Variants in KCNT1 observed in about 807,000 individuals in gnomAD.
KCNT1 encodes the protein potassium channel subfamily T member 1.
Under a neutral mutation model 147.8 loss-of-function variants are expected in KCNT1, and 78 were observed. That is an observed-to-expected ratio of 0.53 (90% confidence interval 0.44 to 0.64). The LOEUF (loss-of-function observed/expected upper bound fraction) is 0.64, where lower values mean the gene tolerates loss of function less well. KCNT1 is among the 30% of genes least tolerant of loss of function. The probability of loss-of-function intolerance (pLI) is 0.00; values close to 1 mark genes in which losing one functional copy is unlikely to be tolerated. For synonymous variants in KCNT1, 867 were observed against 748.8 expected, an observed-to-expected ratio of 1.16 and a Z score of -2.58; for missense variants, 1,419 against 1,750.3, an observed-to-expected ratio of 0.81 and a Z score of 3.38.
chr9:135,784,239 C>T lies in KCNT1; in HGVS notation c.2943+114C>T, dbSNP rs1169275019. The T allele has an allele frequency of 5.8e-6, 5 of 861,054 alleles. No individual in the cohort carries two copies. In the Admixed American group the frequency reaches 9.6e-5, roughly 17 times the overall value. 53.3% of individuals were successfully genotyped at this position (861,054 alleles called of 1,614,324 possible). ...GATAGGACTCCCTCTGAATGACCTTCCCTGGATTCCAAGGAGACCTCTGGG... is the reference window on the plus strand; with the variant it reads ...GATAGGACTCCCTCTGAATGACCTTTCCTGGATTCCAAGGAGACCTCTGGG... On this transcript the variant is annotated intron_variant, in intron 25 of 30. Transcript: ENST00000371757.
chr9:135,770,076 G>T, intron 16 of KCNT1, 21 bp downstream of exon 16: 1 of 1,538,136 alleles, frequency 6.5e-7, no homozygotes, highest in South Asian at 1.2e-5. Flanking sequence ...CGTGCCCCGG[G>T]GGACCGACCT....
At chr9:135,791,750 G>A (rs776503344) in intron 29 of KCNT1, 47 bp from the exon 30 acceptor site, 1 of 1,537,700 alleles carries the variant, frequency 6.5e-7, no homozygotes. Context: ...AGAGCTGGGA[G>A]GGGCAGGGCT....
At chr9:135,743,505 CAA>C (rs1830663895) in intron 2 of KCNT1, among the ~76,000 whole-genome samples, 1 of 152,144 alleles carries the variant, frequency 6.6e-6, no homozygotes, top group African/African-American at 2.4e-5. Flanking sequence ...ATTATTATCC[CAA>C]AAGAGTCCTG....
Position 135,768,622 on chromosome 9 carries a change from G to T in KCNT1, c.1350G>T (p.Gly450=). The T allele has an allele frequency of 6.4e-7, 1 of 1,550,478 alleles. No individual in the cohort carries two copies. The highest frequency in any genetic ancestry group is 8.7e-7 in the Non-Finnish European group (1 of 1,146,818). ...TGGTGCATTGCAGGATGGACAATGG[G>T]GAGGCCTGCTTCATCCTCAGCAGCA... is the stretch of plus-strand genomic sequence containing the variant. The part of the protein sequence containing the change: ...QDLMRAKMDN[G]EACFILSSRN... The change falls in exon 14 of 31, where the codon GGG becomes GGT. Residue 450 remains glycine, a synonymous_variant. Coordinates refer to ENST00000371757, the MANE Select transcript of KCNT1 (RefSeq NM_020822.3).
chr9:135,736,130 T>C (rs1018931825), intron 2 of KCNT1, among the ~76,000 whole-genome samples: 6 of 152,134 alleles, frequency 3.9e-5, no homozygotes, highest in African/African-American at 1.4e-4. Context: ...AGGACCCTGG[T>C]GAGGACAGGC....
Position 135,765,204 on chromosome 9 carries a change from C to G in KCNT1, c.1200+9C>G. 1 of 1,606,600 alleles carries G rather than the reference C, an allele frequency of 6.2e-7. No individual in the cohort carries two copies. On this transcript the variant is annotated intron_variant, in intron 12 of 30. Transcript: ENST00000371757. ...CCCACCCCCGGCTCCAGGTGAGGCC[C>G]CTTACCGTGGCCCAGCAGACGACTC... is the stretch of plus-strand genomic sequence containing the variant.
chr9:135,758,010 G>A (rs994495103), intron 9 of KCNT1, among the ~76,000 whole-genome samples: 4 of 152,378 alleles, frequency 2.6e-5, no homozygotes, highest in East Asian at 1.9e-4. Flanking sequence ...ATGGGGACCC[G>A]TCCTGAGAGA....
chr9:135,740,680 G>A (rs1032311536), intron 2 of KCNT1, among the ~76,000 whole-genome samples: 2 of 152,258 alleles, frequency 1.3e-5, no homozygotes, highest in African/African-American at 4.8e-5. Context: ...ACGGCTTCGG[G>A]TGCAGGTTCT....
intron 2 of KCNT1, among the ~76,000 whole-genome samples, chr9:135,727,372 C>CCTCTCCCTCTCTCTCCCTCTCTCTCT (rs1836256412): frequency 8.1e-6 from 1 of 123,458 alleles, no homozygotes; most frequent in African/African-American, 3.1e-5. Flanking sequence ...TCTCTCTCTC[C>CCTCTCCCTCTCTCTCCCTCTCTCTCT]CTCTCCCTCT....
intron 19 of KCNT1, among the ~76,000 whole-genome samples, chr9:135,773,944 T>C (rs34054435): frequency 0.21 from 31,549 of 151,844 alleles, 3,589 homozygotes; most frequent in African/African-American, 0.29. Context: ...CTGTGGGTTT[T>C]GCATGTGGCT....
chr9:135,769,139 GCGCA>G (rs1832552892), intron 15 of KCNT1, among the ~76,000 whole-genome samples: 1 of 37,450 alleles, frequency 2.7e-5, no homozygotes, highest in African/African-American at 1.3e-4. Context: ...CTGGGGCAGG[GCGCA>G]TGTGCACACG....
At chr9:135,715,357 C>T (rs924381486) in intron 2 of KCNT1, among the ~76,000 whole-genome samples, 3 of 152,230 alleles carry the variant, frequency 2.0e-5, no homozygotes, top group Admixed American at 2.0e-4. Context: ...CCTCCTTTTC[C>T]CCAAATAGCT....
intron 18 of KCNT1, 159 bp downstream of exon 18, chr9:135,771,254 A>G: frequency 1.5e-6 from 1 of 672,858 alleles, no homozygotes; most frequent in East Asian, 2.7e-5. Context: ...GCAGGTGACC[A>G]GGTGGGACGG....
chr9:135,770,469 A>G (rs745401032), intron 17 of KCNT1, 22 bp downstream of exon 17: 1 of 1,597,336 alleles, frequency 6.3e-7, no homozygotes, highest in Non-Finnish European at 8.5e-7. Flanking sequence ...CTGCATCCAC[A>G]GGGCTGGCGC....
At chr9:135,754,580 C>T (rs546906413) in intron 5 of KCNT1, among the ~76,000 whole-genome samples, 12 of 152,204 alleles carry the variant, frequency 7.9e-5, no homozygotes, top group Non-Finnish European at 1.2e-4. Context: ...AGCCCCTGTC[C>T]GCATCAGGCA....
At chr9:135,733,104 C>T (rs891463001) in intron 2 of KCNT1, among the ~76,000 whole-genome samples, 3 of 151,972 alleles carry the variant, frequency 2.0e-5, no homozygotes, top group Non-Finnish European at 2.9e-5. Flanking sequence ...CCTGCCCTCT[C>T]CTTGTCGGCT....
chr9:135,714,449 G>T lies in KCNT1; in HGVS notation c.111-128G>T, dbSNP rs892762715. The T allele has an allele frequency of 1.5e-5, 8 of 517,288 alleles. No homozygotes were observed. Among genetic ancestry groups the T allele is most frequent in the Non-Finnish European group, 1.7e-5 (7 of 405,986 alleles). The allele number at this position is 517,288 out of a possible 1,614,324, so 32.0% of individuals were successfully genotyped here. A position where few individuals can be genotyped will look rare whatever the true frequency, so the allele number is the denominator to read the frequency against. ...CCGCCAGGCCCGCCCCCGCCCGGCC[G>T]CCCGCCCGCCCGGTGGGTCGCGGTG... On this transcript the variant is annotated intron_variant, in intron 1 of 30. Coordinates refer to ENST00000371757, the MANE Select transcript of KCNT1 (RefSeq NM_020822.3). This position sits in a 1 kb window ranked among gnomAD's most constrained non-coding sequence, Gnocchi z 6.2.
chr9:135,768,643 C>T lies in KCNT1; in HGVS notation c.1371C>T (p.Ser457=), dbSNP rs1239894499. The part of the protein sequence containing the change: ...MDNGEACFIL[S]SRNEVDRTAA... ...ATGGGGAGGCCTGCTTCATCCTCAG[C>T]AGCAGGAACGAGGTGGACCGCACGG... Residue 457 remains serine (S), a synonymous_variant, in exon 14 of 31, where the codon AGC becomes AGT. Transcript: ENST00000371757. 4 of 1,550,448 alleles carry T rather than the reference C, an allele frequency of 2.6e-6. No individual in the cohort carries two copies. In the African/African-American group the frequency reaches 4.1e-5, roughly 16 times the overall value.
Position 135,777,212 on chromosome 9 carries a change from C to A in KCNT1, c.2350-126C>A, listed in dbSNP as rs1466004448. On this transcript the variant is annotated intron_variant, in intron 20 of 30. Transcript: ENST00000371757. ...CAGGCGTGTGCAGGCCGTGAAAGGG[C>A]TGTGGGCCGAGAGGCTAACGGCTGG... 6.0e-6 allele frequency: 6 copies of A among 993,428 alleles called. No homozygotes were observed. In the African/African-American group the frequency reaches 8.1e-5, roughly 13 times the overall value. The allele number at this position is 993,428 out of a possible 1,614,324, so 61.5% of individuals were successfully genotyped here. A position where few individuals can be genotyped will look rare whatever the true frequency, so the allele number is the denominator to read the frequency against.
Sources: gnomAD v4.1 joint callset for allele counts (sites outside exome capture counted in the v4.1 genomes callset) on GRCh38, gnomAD v4.1.1 for gene constraint, Gnocchi (gnomAD v3.1) non-coding constraint, MANE v1.5 for transcripts, NCBI Gene and HGNC (gene_info 2026-07-23, HGNC 2026-07-21) for gene names.